The following TMEM107 variants were observed in gnomAD, a reference collection of about 807,000 sequenced individuals.
TMEM107 encodes the protein transmembrane protein 107.
In TMEM107, 18 loss-of-function variants were observed where a neutral mutation model predicts 16.8. The ratio of observed to expected loss-of-function variants is 1.07; its 90% confidence interval spans 0.74 to 1.59. The LOEUF (loss-of-function observed/expected upper bound fraction) is 1.59. TMEM107 is among the 40% of genes most tolerant of loss of function. The pLI is 0.00. For synonymous variants in TMEM107, 68 were observed against 71.6 expected, an observed-to-expected ratio of 0.95 and a Z score of 0.25; for missense variants, 152 against 175.4, an observed-to-expected ratio of 0.87 and a Z score of 0.75.
In TMEM107 at chr17:8,173,592, G is replaced by GGC. The variant is rs1567551476; in HGVS notation, c.*610_*611insGC. The GGC allele has an allele frequency of 1.3e-6, 1 of 763,472 alleles. No individual in the cohort carries two copies. Among genetic ancestry groups the GGC allele is most frequent in the Non-Finnish European group, 2.4e-6 (1 of 416,910 alleles). 47.3% of individuals were successfully genotyped at this position (763,472 alleles called of 1,614,324 possible). A position where few individuals can be genotyped will look rare whatever the true frequency, so the allele number is the denominator to read the frequency against. On this transcript the variant is annotated 3_prime_UTR_variant, in exon 5 of 5. Coordinates refer to ENST00000437139, the MANE Select transcript of TMEM107 (RefSeq NM_183065.4). ...AAGGATTATCCCACCTGACGATACAGACAAACAGCCGACATTCTGCACTCA... is the reference window on the plus strand; with the variant it reads ...AAGGATTATCCCACCTGACGATACAGGCACAAACAGCCGACATTCTGCACTCA...
rs999601106 is a variant in TMEM107 at position 8,173,348 on chromosome 17, C to G, written c.*855G>C. 2.8e-5 allele frequency: 17 copies of G among 611,382 alleles called. No homozygotes were observed. The highest frequency in any genetic ancestry group is 4.2e-5 in the Non-Finnish European group (14 of 335,656). 37.9% of individuals were successfully genotyped at this position (611,382 alleles called of 1,614,324 possible). A position where few individuals can be genotyped will look rare whatever the true frequency, so the allele number is the denominator to read the frequency against. On this transcript the variant is annotated 3_prime_UTR_variant, in exon 5 of 5. Transcript: ENST00000437139. ...AAATAGACAAACAGCAATAGCAAGA[C>G]TGCAAAATAGACAAACAGCAAGGTT...
In TMEM107 at chr17:8,176,262, G is replaced by T; in HGVS notation, c.25C>A (p.Pro9Thr). The T allele has an allele frequency of 6.2e-7, 1 of 1,614,066 alleles. No individual in the cohort carries two copies. Among genetic ancestry groups the T allele is most frequent in the Non-Finnish European group, 8.5e-7 (1 of 1,179,960 alleles). Residue 9 changes from proline (P) to threonine (T), a missense_variant, in exon 1 of 5, where the codon CCC (proline) becomes ACC (threonine). By Grantham distance (38) the Pro-to-Thr change is conservative (BLOSUM62 -1). Coordinates refer to ENST00000437139, the MANE Select transcript of TMEM107 (RefSeq NM_183065.4). Reference sequence around the variant, plus strand: ...GCCAGGAGCGTCAGGAAGCGAGAGGGCACAAGCCCTGAGACCCGGCCCATG... The same window carrying T: ...GCCAGGAGCGTCAGGAAGCGAGAGGTCACAAGCCCTGAGACCCGGCCCATG... MGRVSGLV[P>T]SRFLTLLAHL... is the part of the protein sequence containing the mutation.
intron 1 of TMEM107, 42 bp downstream of exon 1, chr17:8,176,158 A>G (rs199986782): frequency 6.0e-5 from 96 of 1,606,192 alleles, no homozygotes; most frequent in Non-Finnish European, 7.0e-5. Context: ...GACCACTCAG[A>G]GATGGGAATG....
chr17:8,173,997 A>C lies in TMEM107; in HGVS notation c.*206T>G. ...TCCCCTAAAACTGTATATAAGTCTT[A>C]ATGTTACTACAAAACATATTTTATT... is the stretch of plus-strand genomic sequence containing the variant. On this transcript the variant is annotated 3_prime_UTR_variant, in exon 5 of 5. Transcript: ENST00000437139. 1.7e-6 allele frequency: 1 copy of C among 586,912 alleles called. No homozygotes were observed. The highest frequency in any genetic ancestry group is 3.0e-6 in the Non-Finnish European group (1 of 328,144). 36.4% of individuals were successfully genotyped at this position (586,912 alleles called of 1,614,324 possible). A position where few individuals can be genotyped will look rare whatever the true frequency, so the allele number is the denominator to read the frequency against.
chr17:8,173,614 C>G lies in TMEM107; in HGVS notation c.*589G>C. The G allele has an allele frequency of 1.3e-6, 1 of 755,288 alleles. No homozygotes were observed. The highest frequency in any genetic ancestry group is 1.4e-5 in the South Asian group (1 of 73,754). The allele number at this position is 755,288 out of a possible 1,614,324, so 46.8% of individuals were successfully genotyped here. The stretch of plus-strand genomic sequence containing the variant: ...ACAGACAAACAGCCGACATTCTGCA[C>G]TCAGTGAAAAAGATTCCGTTACAAG... On this transcript the variant is annotated 3_prime_UTR_variant, in exon 5 of 5. Coordinates refer to ENST00000437139, the MANE Select transcript of TMEM107 (RefSeq NM_183065.4).
In TMEM107 at chr17:8,173,318, C is replaced by G; in HGVS notation, c.*885G>C. On this transcript the variant is annotated 3_prime_UTR_variant, in exon 5 of 5. Transcript: ENST00000437139. ...TCAAGAACAAACAAATTTAGCAAGA[C>G]TGCAAAATAGACAAACAGCAATAGC... The G allele has an allele frequency of 1.8e-6, 1 of 548,512 alleles. No individual in the cohort carries two copies. The highest frequency in any genetic ancestry group is 2.9e-5 in the East Asian group (1 of 35,018). 34.0% of individuals were successfully genotyped at this position (548,512 alleles called of 1,614,324 possible).
rs189619265 is a variant in TMEM107 at position 8,173,449 on chromosome 17, A to G, written c.*754T>C. 224 of 762,618 alleles carry G rather than the reference A, an allele frequency of 2.9e-4. No individual in the cohort carries two copies. The East Asian group carries it at 4.3e-3, about 15-fold the overall frequency. 47.2% of individuals were successfully genotyped at this position (762,618 alleles called of 1,614,324 possible). A position where few individuals can be genotyped will look rare whatever the true frequency, so the allele number is the denominator to read the frequency against. Reference sequence around the variant, plus strand: ...TAACACAAATGTAAGTGATCGTCAGAAAGAATCAGACAGGAGCAATCAGGG... The same window carrying G: ...TAACACAAATGTAAGTGATCGTCAGGAAGAATCAGACAGGAGCAATCAGGG... On this transcript the variant is annotated 3_prime_UTR_variant, in exon 5 of 5. Transcript: ENST00000437139.
At chr17:8,175,900 C>G in intron 2 of TMEM107, 43 bp from the exon 3 acceptor site, 3 of 1,614,012 alleles carry the variant, frequency 1.9e-6, no homozygotes, top group Non-Finnish European at 2.5e-6. Context: ...TGGACTTATT[C>G]TAAGACCCCT....
Position 8,173,638 on chromosome 17 carries a change from A to C in TMEM107, c.*565T>G, listed in dbSNP as rs775947132. ...ACTCAGTGAAAAAGATTCCGTTACA[A>C]GCTAGGGTGAGTTCATAACGCGCTG... On this transcript the variant is annotated 3_prime_UTR_variant, in exon 5 of 5. Transcript: ENST00000437139. The C allele has an allele frequency of 1.4e-6, 1 of 738,690 alleles. No individual in the cohort carries two copies. Among genetic ancestry groups the C allele is most frequent in the Admixed American group, 1.8e-5 (1 of 56,742 alleles). 45.8% of individuals were successfully genotyped at this position (738,690 alleles called of 1,614,324 possible).
rs117735243 is a variant in TMEM107 at position 8,173,586 on chromosome 17, G to A, written c.*617C>T. On this transcript the variant is annotated 3_prime_UTR_variant, in exon 5 of 5. Coordinates refer to ENST00000437139, the MANE Select transcript of TMEM107 (RefSeq NM_183065.4). ...ACAGGTAAGGATTATCCCACCTGAC[G>A]ATACAGACAAACAGCCGACATTCTG... The A allele has an allele frequency of 1.4e-3, 1,034 of 764,050 alleles. 4 individuals are homozygous for A. The highest frequency in any genetic ancestry group is 2.5e-3 in the East Asian group (105 of 41,218). 47.3% of individuals were successfully genotyped at this position (764,050 alleles called of 1,614,324 possible).
intron 3 of TMEM107, chr17:8,175,499 G>A: frequency 1.6e-6 from 1 of 607,424 alleles, no homozygotes; most frequent in Non-Finnish European, 2.9e-6. Flanking sequence ...TGTAGACTTG[G>A]GTTCTCACTA....
rs200531412 is a variant in TMEM107 at position 8,173,594 on chromosome 17, C to G, written c.*609G>C. ...GGATTATCCCACCTGACGATACAGA[C>G]AAACAGCCGACATTCTGCACTCAGT... is the stretch of plus-strand genomic sequence containing the variant. On this transcript the variant is annotated 3_prime_UTR_variant, in exon 5 of 5. Transcript: ENST00000437139. 2.6e-4 allele frequency: 197 copies of G among 762,552 alleles called. 3 individuals carry two copies. Among genetic ancestry groups the G allele is most frequent in the Middle Eastern group, 1.4e-3 (6 of 4,442 alleles). 47.2% of individuals were successfully genotyped at this position (762,552 alleles called of 1,614,324 possible).
In TMEM107 at chr17:8,174,233, G is replaced by T. The variant is rs1184391086; in HGVS notation, c.393C>A (p.Thr131=). ...AGGGTTTCTTTTTCAGCCCAAAGAC[G>T]GTGACGAATAAAGCCATTTCAGTGA... ...PAVTEMALFV[T]VFGLKKKPF Residue 131 remains threonine (T), a synonymous_variant, in exon 5 of 5, where the codon ACC becomes ACA. Transcript: ENST00000437139. 1 of 1,614,110 alleles carries T rather than the reference G, an allele frequency of 6.2e-7. No homozygotes were observed. Among genetic ancestry groups the T allele is most frequent in the Admixed American group, 1.7e-5 (1 of 60,008 alleles).
rs1598271953 is a variant in TMEM107, at chr17:8,173,361, A to G, written c.*842T>C. 3.2e-6 allele frequency: 2 copies of G among 617,992 alleles called. No homozygotes were observed. Among genetic ancestry groups the G allele is most frequent in the African/African-American group, 1.8e-5 (1 of 54,696 alleles). The allele number at this position is 617,992 out of a possible 1,614,324, so 38.3% of individuals were successfully genotyped here. On this transcript the variant is annotated 3_prime_UTR_variant, in exon 5 of 5. Transcript: ENST00000437139. Reference sequence around the variant, plus strand: ...GCAATAGCAAGACTGCAAAATAGACAAACAGCAAGGTTATCCCAGTCAGAA... The same window carrying G: ...GCAATAGCAAGACTGCAAAATAGACGAACAGCAAGGTTATCCCAGTCAGAA...
At position 8,173,292 on chromosome 17, in the gene TMEM107, T is replaced by G; in HGVS notation, c.*911A>C. On this transcript the variant is annotated 3_prime_UTR_variant, in exon 5 of 5. Transcript: ENST00000437139. ...AAGCAACAAAAACCAAATCACAATT[T>G]TCAAGAACAAACAAATTTAGCAAGA... 1.9e-6 allele frequency: 1 copy of G among 536,252 alleles called. No individual in the cohort carries two copies. Among genetic ancestry groups the G allele is most frequent in the Non-Finnish European group, 3.3e-6 (1 of 299,038 alleles). 33.2% of individuals were successfully genotyped at this position (536,252 alleles called of 1,614,324 possible).
chr17:8,175,158 C>A, intron 3 of TMEM107: 1 of 187,504 alleles, frequency 5.3e-6, no homozygotes. Flanking sequence ...CTCTGCCTCC[C>A]GGGTTCAAGC....
chr17:8,174,192 C>T lies in TMEM107; in HGVS notation c.*11G>A, dbSNP rs764421890. The T allele has an allele frequency of 6.2e-7, 1 of 1,613,604 alleles. No homozygotes were observed. The highest frequency in any genetic ancestry group is 8.5e-7 in the Non-Finnish European group (1 of 1,179,512). On this transcript the variant is annotated 3_prime_UTR_variant, in exon 5 of 5. Transcript: ENST00000437139. ...GTAGGCTTCGTCCTTAGGTTCCCGT[C>T]ATGAAGGTAATCAGAAGGGTTTCTT...
chr17:8,174,630 G>A lies in TMEM107; in HGVS notation c.257-14C>T. The A allele has an allele frequency of 6.2e-7, 1 of 1,611,276 alleles. No homozygotes were observed. Among genetic ancestry groups the A allele is most frequent in the Non-Finnish European group, 8.5e-7 (1 of 1,177,472 alleles). On this transcript the variant is annotated splice_polypyrimidine_tract_variant and intron_variant, in intron 3 of 4. Coordinates refer to ENST00000437139, the MANE Select transcript of TMEM107 (RefSeq NM_183065.4). ...GAGCCCCAATGGCTTGGGAAGGCACGAGATTAAGGAAAGTCTTTGGATCGA... is the reference window on the plus strand; with the variant it reads ...GAGCCCCAATGGCTTGGGAAGGCACAAGATTAAGGAAAGTCTTTGGATCGA...
intron 3 of TMEM107, chr17:8,175,513 T>G (rs1984054028): frequency 1.6e-6 from 1 of 613,286 alleles, no homozygotes; most frequent in Non-Finnish European, 2.9e-6. Context: ...CTCACTATGT[T>G]GCCTCCTGCC....
Sources: allele counts gnomAD v4.1 joint callset, GRCh38; gene constraint gnomAD v4.1.1; transcripts MANE v1.5; gene names NCBI Gene and HGNC (gene_info 2026-07-23, HGNC 2026-07-21).